KIF18A: variants seen among roughly 807,000 people sequenced by gnomAD.
KIF18A encodes kinesin-like protein KIF18A.
In KIF18A, 67 loss-of-function variants were observed where a neutral mutation model predicts 103.3. That is an observed-to-expected ratio of 0.65 (90% CI 0.53 to 0.79). KIF18A has a LOEUF of 0.79. Ranked by LOEUF, KIF18A falls within the 30% of genes least tolerant of loss-of-function variation. The pLI is 0.00. For missense variants in KIF18A, 1,032 were observed against 1,062.5 expected, an observed-to-expected ratio of 0.97 and a Z score of 0.40; for synonymous variants, 367 against 355.5, an observed-to-expected ratio of 1.03 and a Z score of -0.36.
intron 13 of KIF18A, among the ~76,000 whole-genome samples, chr11:28,040,385 G>A (rs1005054709): frequency 5.3e-5 from 8 of 151,678 alleles, no homozygotes; most frequent in Admixed American, 1.3e-4. Context: ...GACAGTTGTA[G>A]TTTCCCCTGA....
chr11:28,059,588 CACTG>C (rs537156964), intron 12 of KIF18A, among the ~76,000 whole-genome samples: 1 of 152,018 alleles, frequency 6.6e-6, no homozygotes, highest in Non-Finnish European at 1.5e-5. Context: ...TGTGCCACTA[CACTG>C]ACTAATTTTT....
chr11:28,072,089 G>T (rs2133541468), intron 10 of KIF18A, among the ~76,000 whole-genome samples: 1 of 152,106 alleles, frequency 6.6e-6, no homozygotes, highest in South Asian at 2.1e-4. Context: ...GCTCTAAAAT[G>T]GCAAGTAAGT....
chr11:28,083,057 C>T (rs562255145), intron 8 of KIF18A, 89 bp from the exon 9 acceptor site: 3 of 1,459,324 alleles, frequency 2.1e-6, no homozygotes, highest in Admixed American at 2.5e-5. Context: ...ACTGAATTAA[C>T]CAGATTTTAA....
At chr11:28,057,319 T>C (rs1339688028) in intron 13 of KIF18A, among the ~76,000 whole-genome samples, 2 of 151,974 alleles carry the variant, frequency 1.3e-5, no homozygotes, top group East Asian at 1.9e-4. Context: ...ATTGAGACCA[T>C]CCTGGCTAAC....
chr11:28,036,215 A>G lies in KIF18A; in HGVS notation c.2396+2T>C. ...GAATTGGCAAATATTATTTTTTTGTACCGTTGTAAAATGTCTTTGTTATCA... is the reference window on the plus strand; with the variant it reads ...GAATTGGCAAATATTATTTTTTTGTGCCGTTGTAAAATGTCTTTGTTATCA... On this transcript the variant is annotated splice_donor_variant, in intron 14 of 16. Coordinates refer to ENST00000263181, the MANE Select transcript of KIF18A (RefSeq NM_031217.4). LOFTEE classifies it high-confidence loss of function. The G allele has an allele frequency of 1.3e-6, 2 of 1,535,396 alleles. No homozygotes were observed. Among genetic ancestry groups the G allele is most frequent in the Non-Finnish European group, 1.8e-6 (2 of 1,138,202 alleles).
At position 28,059,077 on chromosome 11, in the gene KIF18A, A is replaced by G. The variant is rs1850824403; in HGVS notation, c.1797T>C (p.Ser599=). 1.9e-6 allele frequency: 3 copies of G among 1,614,086 alleles called. No individual in the cohort carries two copies. The East Asian group carries it at 6.7e-5, about 36-fold the overall frequency. The change falls in exon 13 of 17, where the codon TCT becomes TCC. Residue 599 remains serine (S), a synonymous_variant. Transcript: ENST00000263181. ...CCAAATGTTCGATCTCTTTGAAGTC[A>G]GATTCAAAAGCAGCATTTGACAGGC... ...EAGLSNAAFE[S]DFKEIEHLVE...
At chr11:28,098,140 G>C in intron 1 of KIF18A, 147 bp from the exon 2 acceptor site, 1 of 520,990 alleles carries the variant, frequency 1.9e-6, no homozygotes, top group Non-Finnish European at 3.4e-6. Context: ...TACATACGTA[G>C]GCACACACAA....
At chr11:28,097,371 T>C (rs1851388634) in intron 2 of KIF18A, 2 of 401,588 alleles carry the variant, frequency 5.0e-6, no homozygotes, top group Non-Finnish European at 8.9e-6. Flanking sequence ...CATAGGCAAC[T>C]GAAAGGACAG....
At chr11:28,070,143 G>C (rs1850994291) in intron 10 of KIF18A, among the ~76,000 whole-genome samples, 1 of 152,086 alleles carries the variant, frequency 6.6e-6, no homozygotes, top group African/African-American at 2.4e-5. Context: ...GATAGGATGG[G>C]TAGACCTGAA....
intron 16 of KIF18A, among the ~76,000 whole-genome samples, 186 bp downstream of exon 16, chr11:28,023,555 G>C (rs1253079972): frequency 6.6e-6 from 1 of 152,030 alleles, no homozygotes; most frequent in Admixed American, 6.6e-5. Flanking sequence ...GTGTGATCTT[G>C]GGTAAATGCT....
intron 13 of KIF18A, among the ~76,000 whole-genome samples, chr11:28,041,466 T>C (rs1010322719): frequency 5.9e-5 from 9 of 151,768 alleles, no homozygotes; most frequent in African/African-American, 2.2e-4. Flanking sequence ...GCTAGTTTGA[T>C]TGAAGTGCTG....
intron 1 of KIF18A, among the ~76,000 whole-genome samples, chr11:28,099,199 T>C (rs1851415601): frequency 6.6e-6 from 1 of 152,070 alleles, no homozygotes; most frequent in Non-Finnish European, 1.5e-5. Context: ...CATGAATGAA[T>C]CTAGGGGGCA....
intron 1 of KIF18A, among the ~76,000 whole-genome samples, chr11:28,100,229 A>G (rs2133568202): frequency 6.6e-6 from 1 of 152,228 alleles, no homozygotes; most frequent in East Asian, 1.9e-4. Flanking sequence ...CTTAAGTCTC[A>G]GAGTTTTGAC....
chr11:28,078,333 C>T (rs570502652), intron 9 of KIF18A, among the ~76,000 whole-genome samples: 15 of 152,178 alleles, frequency 9.9e-5, no homozygotes, highest in African/African-American at 2.9e-4. Context: ...ATTACACCAA[C>T]GGTAATGCCA....
intron 16 of KIF18A, among the ~76,000 whole-genome samples, chr11:28,021,973 T>G (rs1269760241): frequency 6.6e-6 from 1 of 152,216 alleles, no homozygotes; most frequent in African/African-American, 2.4e-5. Context: ...CTCTAACTGC[T>G]AAGTTAACAG....
At chr11:28,034,128 A>C (rs1850448572) in intron 15 of KIF18A, among the ~76,000 whole-genome samples, 1 of 151,730 alleles carries the variant, frequency 6.6e-6, no homozygotes, top group South Asian at 2.1e-4. Context: ...CCACTTGATT[A>C]ATTTTAATAG....
intron 15 of KIF18A, among the ~76,000 whole-genome samples, chr11:28,027,532 A>G (rs997014381): frequency 6.6e-6 from 1 of 151,860 alleles, no homozygotes; most frequent in African/African-American, 2.4e-5. Context: ...CTTCTGAGAC[A>G]CAAAATACAT....
intron 11 of KIF18A, among the ~76,000 whole-genome samples, chr11:28,067,735 A>T (rs1850953016): frequency 6.6e-6 from 1 of 152,192 alleles, no homozygotes; most frequent in African/African-American, 2.4e-5. Context: ...TCAGAAGAGC[A>T]TCACCAAAGT....
chr11:28,104,970 T>C (rs1008542842), intron 1 of KIF18A, among the ~76,000 whole-genome samples: 2 of 152,192 alleles, frequency 1.3e-5, no homozygotes, highest in Admixed American at 6.5e-5. Context: ...CCATTTCATA[T>C]TCTTTTGTAA....
Sources: gnomAD v4.1 joint callset for allele counts (sites outside exome capture counted in the v4.1 genomes callset) on GRCh38, gnomAD v4.1.1 for gene constraint, MANE v1.5 for transcripts, NCBI Gene and HGNC (gene_info 2026-07-23, HGNC 2026-07-21) for gene names.